The following LPCAT4 variants were observed in gnomAD, a reference collection of about 807,000 sequenced individuals.
LPCAT4 encodes the protein lysophosphatidylcholine acyltransferase 4.
In LPCAT4, 30 loss-of-function variants were observed where a neutral mutation model predicts 66.5. That is an observed-to-expected ratio of 0.45 (90% CI 0.34 to 0.61). LPCAT4 has a LOEUF of 0.61. Among genes scored for constraint, LPCAT4 ranks in the 20% least tolerant of loss-of-function variants. The probability of loss-of-function intolerance (pLI) is 0.01; values close to 1 mark genes in which losing one functional copy is unlikely to be tolerated. For missense variants in LPCAT4, 557 were observed against 656.7 expected, an observed-to-expected ratio of 0.85 and a Z score of 1.66; for synonymous variants, 253 against 262.1, an observed-to-expected ratio of 0.97 and a Z score of 0.34.
intron 9 of LPCAT4, 38 bp downstream of exon 9, chr15:34,362,535 G>T: frequency 6.6e-7 from 1 of 1,522,538 alleles, no homozygotes; most frequent in Non-Finnish European, 8.8e-7. Flanking sequence ...CCTTTGCCCT[G>T]TGCAACTGCT....
chr15:34,360,751 T>C (rs1434884066), intron 11 of LPCAT4, among the ~76,000 whole-genome samples: 2 of 152,220 alleles, frequency 1.3e-5, no homozygotes, highest in African/African-American at 4.8e-5. Context: ...GGAATCTAGA[T>C]ACCTGGTCAC....
chr15:34,362,613 G>T lies in LPCAT4; in HGVS notation c.844C>A (p.Pro282Thr). 1 of 1,571,806 alleles carries T rather than the reference G, an allele frequency of 6.4e-7. No homozygotes were observed. The highest frequency in any genetic ancestry group is 1.2e-5 in the South Asian group (1 of 83,990). Residue 282 changes from proline to threonine, a missense_variant, in exon 9 of 14, where the codon CCC becomes ACC. Physicochemically the swap from Pro to Thr is conservative, Grantham distance 38 (BLOSUM62 -1). Transcript: ENST00000314891. ...YHPSPEESRD[P>T]TLYANNVQRV... ...TGAACATTGTTGGCATAGAGGGTGG[G>T]GTCCCTGCTCTCCTCAGGGCTGGGG...
chr15:34,362,959 T>G (rs1052594053), intron 7 of LPCAT4, 123 bp from the exon 8 acceptor site: 1 of 918,500 alleles, frequency 1.1e-6, no homozygotes, highest in African/African-American at 1.7e-5. Flanking sequence ...CCATTGATAA[T>G]AGGGACAGAC....
At chr15:34,365,274 C>G (rs376297709) in intron 2 of LPCAT4, 46 bp from the exon 3 acceptor site, 5 of 1,543,298 alleles carry the variant, frequency 3.2e-6, no homozygotes, top group Non-Finnish European at 3.5e-6. Context: ...GGTTCTAACC[C>G]TCACCCGCCC....
At chr15:34,362,074 C>G in intron 10 of LPCAT4, 122 bp downstream of exon 10, 2 of 1,282,460 alleles carry the variant, frequency 1.6e-6, no homozygotes, top group Non-Finnish European at 2.2e-6. Context: ...ATTCTATTAT[C>G]TTTCTTCCCA....
chr15:34,361,520 G>A lies in LPCAT4; in HGVS notation c.1023C>T (p.Gly341=), dbSNP rs200483893. Residue 341 remains glycine (G), a synonymous_variant, in exon 11 of 14, where the codon GGC becomes GGT. Coordinates refer to ENST00000314891, the MANE Select transcript of LPCAT4 (RefSeq NM_153613.3). ...KVLRKAGLSA[G]YVDAGAEPGR... is the part of the protein sequence containing the mutation. ...CTGGCTCTGCCCCAGCGTCCACATA[G>A]CCAGCGGACAGCCTACGATGGAATT... is the stretch of plus-strand genomic sequence containing the variant. 6.2e-7 allele frequency: 1 copy of A among 1,613,784 alleles called. No individual in the cohort carries two copies. The highest frequency in any genetic ancestry group is 2.2e-5 in the East Asian group (1 of 44,888).
Position 34,367,035 on chromosome 15 carries a change from G to A in LPCAT4, c.66C>T (p.Pro22=). ...GATGTAACTCATGCACGAAGGGGTT[G>A]GGGGATGCTGGGGGTCCGGGGGTGG... The part of the protein sequence containing the change: ...LDPTPGPPAS[P]NPFVHELHLS... The change falls in exon 1 of 14, where the codon CCC becomes CCT. Residue 22 remains proline, a synonymous_variant. Transcript: ENST00000314891. 2 of 1,564,244 alleles carry A rather than the reference G, an allele frequency of 1.3e-6. No homozygotes were observed. Among genetic ancestry groups the A allele is most frequent in the Admixed American group, 1.9e-5 (1 of 52,596 alleles).
In LPCAT4 at chr15:34,366,991, A is replaced by G. The variant is rs1595623767; in HGVS notation, c.110T>C (p.Val37Ala). 4 of 1,376,194 alleles carry G rather than the reference A, an allele frequency of 2.9e-6. No individual in the cohort carries two copies. Among genetic ancestry groups the G allele is most frequent in the Non-Finnish European group, 9.7e-7 (1 of 1,036,060 alleles). 85.2% of individuals were successfully genotyped at this position (1,376,194 alleles called of 1,614,324 possible). A position where few individuals can be genotyped will look rare whatever the true frequency, so the allele number is the denominator to read the frequency against. ...CGCCCGCTCCCCACACATTACCTTA[A>G]CCCTCTGGAGGCGAGAGAGATGTAA... ...HELHLSRLQRVKFCLLGALLA... is the reference protein window; with the variant it reads ...HELHLSRLQRAKFCLLGALLA... The change falls in exon 1 of 14, where the codon GTT (valine) becomes GCT (alanine). Residue 37 changes from valine (V) to alanine (A), a missense_variant. Around this residue, in one of 4 missense-constraint regions of LPCAT4, gnomAD observed 94 missense variants for 71.5 expected, o/e 1.32. Coordinates refer to ENST00000314891, the MANE Select transcript of LPCAT4 (RefSeq NM_153613.3).
At chr15:34,362,501 C>T (rs1268239807) in intron 9 of LPCAT4, 72 bp downstream of exon 9, 7 of 1,461,042 alleles carry the variant, frequency 4.8e-6, no homozygotes, top group East Asian at 2.3e-5. Flanking sequence ...CTGAAAACCT[C>T]GCCCCCTCCA....
In LPCAT4 at chr15:34,363,329, G is replaced by T; in HGVS notation, c.746+93C>A. The T allele has an allele frequency of 1.5e-6, 2 of 1,334,012 alleles. No individual in the cohort carries two copies. The highest frequency in any genetic ancestry group is 2.1e-6 in the Non-Finnish European group (2 of 949,028). The allele number at this position is 1,334,012 out of a possible 1,614,324, so 82.6% of individuals were successfully genotyped here. ...TCTCTCAGTCCTCAGATGAAGAAGG[G>T]CCATTCACCTTGTCGGGAGATTGGA... is the stretch of plus-strand genomic sequence containing the variant. On this transcript the variant is annotated intron_variant, in intron 7 of 13. Transcript: ENST00000314891. This position sits in a 1 kb window ranked among gnomAD's most constrained non-coding sequence, Gnocchi z 4.3.
Position 34,363,689 on chromosome 15 carries a change from G to C in LPCAT4, c.683C>G (p.Pro228Arg), listed in dbSNP as rs2140168467. ...GAFIAGVPVQ[P>R]VLIRYPNSLD... ...ACTGTTGGGGTAGCGGATGAGGACAGGCTGCACAGGCACCCCTGCGATGAA... is the reference window on the plus strand; with the variant it reads ...ACTGTTGGGGTAGCGGATGAGGACACGCTGCACAGGCACCCCTGCGATGAA... The change falls in exon 6 of 14, where the codon CCT becomes CGT. Residue 228 changes from proline to arginine, a missense_variant. This residue lies in a region of LPCAT4 where 392 missense variants were observed against 473.9 expected (regional missense o/e 0.83). Coordinates refer to ENST00000314891, the MANE Select transcript of LPCAT4 (RefSeq NM_153613.3). This position sits in a 1 kb window ranked among gnomAD's most constrained non-coding sequence, Gnocchi z 4.3. 1 of 1,614,170 alleles carries C rather than the reference G, an allele frequency of 6.2e-7. No homozygotes were observed. The highest frequency in any genetic ancestry group is 2.2e-5 in the East Asian group (1 of 44,890).
At position 34,365,113 on chromosome 15, in the gene LPCAT4, C is replaced by T. The variant is rs749978878; in HGVS notation, c.373G>A (p.Val125Ile). The T allele has an allele frequency of 1.2e-6, 2 of 1,614,078 alleles. No individual in the cohort carries two copies. The highest frequency in any genetic ancestry group is 1.7e-6 in the Non-Finnish European group (2 of 1,180,038). The change falls in exon 3 of 14, where the codon GTT becomes ATT. Residue 125 changes from valine (V) to isoleucine (I), a missense_variant. Coordinates refer to ENST00000314891, the MANE Select transcript of LPCAT4 (RefSeq NM_153613.3). ...RASRLQAPVL[V>I]AAPHSTFFDP... The stretch of plus-strand genomic sequence containing the variant: ...AAGAAAGTGGAGTGTGGGGCAGCAA[C>T]AAGGACAGGGGCTTGAAGGCGAGAG...
intron 10 of LPCAT4, among the ~76,000 whole-genome samples, 179 bp from the exon 11 acceptor site, chr15:34,361,711 T>TTC (rs1890948743): frequency 6.6e-6 from 1 of 152,100 alleles, no homozygotes. Flanking sequence ...TTCTTTTCTT[T>TTC]TTTTTTTTGA....
At chr15:34,359,539 G>A in intron 13 of LPCAT4, 50 bp downstream of exon 13, 1 of 1,589,222 alleles carries the variant, frequency 6.3e-7, no homozygotes, top group Non-Finnish European at 8.6e-7. Context: ...TTTCCTGGAT[G>A]CTGATGGTGC....
At chr15:34,366,800 C>T (rs113181120) in intron 1 of LPCAT4, 187 bp downstream of exon 1, 7 of 715,856 alleles carry the variant, frequency 9.8e-6, no homozygotes, top group African/African-American at 7.2e-5. Flanking sequence ...CCCAAGCCCG[C>T]AGCGTCCTCT....
chr15:34,365,068 GC>G lies in LPCAT4; in HGVS notation c.417del (p.Cys141ValfsTer167). 6.2e-7 allele frequency: 1 copy of G among 1,614,218 alleles called. No individual in the cohort carries two copies. The highest frequency in any genetic ancestry group is 1.1e-5 in the South Asian group (1 of 91,082). The stretch of plus-strand genomic sequence containing the variant: ...GACACAACTTTGGGCAGGTCACAGG[GC>G]AGCAGAACAATGGGGTCAAAGAAAG... The part of the protein sequence containing the change: ...HSTFFDPIVL[L>X]PCDLPKVVSR... On this transcript the variant is annotated frameshift_variant, in exon 3 of 14. Coordinates refer to ENST00000314891, the MANE Select transcript of LPCAT4 (RefSeq NM_153613.3). LOFTEE classifies it high-confidence loss of function.
intron 12 of LPCAT4, 151 bp from the exon 13 acceptor site, chr15:34,359,896 A>C (rs1266721545): frequency 1.2e-6 from 1 of 866,604 alleles, no homozygotes; most frequent in Non-Finnish European, 1.8e-6. Context: ...AGAACTGTAG[A>C]CTTTATAGCT....
Position 34,363,118 on chromosome 15 carries a change from C to T in LPCAT4, c.747-282G>A, listed in dbSNP as rs942485787. On this transcript the variant is annotated intron_variant, in intron 7 of 13. Coordinates refer to ENST00000314891, the MANE Select transcript of LPCAT4 (RefSeq NM_153613.3). This position sits in a 1 kb window ranked among gnomAD's most constrained non-coding sequence, Gnocchi z 4.3. ...AGGTTTGAGTAATGGAAGAAAAAGGCGAGAGGCATGCCTGATGGTGATGGT... is the reference window on the plus strand; with the variant it reads ...AGGTTTGAGTAATGGAAGAAAAAGGTGAGAGGCATGCCTGATGGTGATGGT... Among the ~76,000 whole-genome samples, 8 of 152,134 alleles carry T rather than the reference C, an allele frequency of 5.3e-5. No individual in the cohort carries two copies. The South Asian group carries it at 6.2e-4, about 12-fold the overall frequency.
In LPCAT4 at chr15:34,363,609, T is replaced by G; in HGVS notation, c.711+52A>C. The G allele has an allele frequency of 2.5e-6, 4 of 1,608,134 alleles. No individual in the cohort carries two copies. Among genetic ancestry groups the G allele is most frequent in the Non-Finnish European group, 2.6e-6 (3 of 1,174,510 alleles). On this transcript the variant is annotated intron_variant, in intron 6 of 13. Coordinates refer to ENST00000314891, the MANE Select transcript of LPCAT4 (RefSeq NM_153613.3). The surrounding 1 kb of genome is among the most constrained non-coding windows in gnomAD (Gnocchi z 4.3). ...ACCAACAGTTTTCACTTATTTCCAT[T>G]TGGGGTGGATTTGTGCTCCCCCTTT... is the stretch of plus-strand genomic sequence containing the variant.
Sources: allele counts gnomAD v4.1 joint callset (sites outside exome capture counted in the v4.1 genomes callset), GRCh38; gene constraint gnomAD v4.1.1; regional missense constraint gnomAD v4.1.1; non-coding constraint Gnocchi (gnomAD v3.1); transcripts MANE v1.5; gene names NCBI Gene and HGNC (gene_info 2026-07-23, HGNC 2026-07-21).